AVL9: variants seen among roughly 807,000 people sequenced by gnomAD.
AVL9 encodes AVL9 cell migration associated.
A neutral mutation model predicts 79.2 loss-of-function variants in AVL9; 49 were observed. The observed-to-expected ratio is 0.62, with a 90% confidence interval of 0.49 to 0.79. AVL9 has a LOEUF of 0.79. Among genes scored for constraint, AVL9 ranks in the 30% least tolerant of loss-of-function variants. AVL9 has a pLI of 0.00. For missense variants in AVL9, 682 were observed against 776.8 expected (o/e 0.88, Z 1.45); for synonymous variants, 299 against 280.6 (o/e 1.07, Z -0.65).
At position 32,523,827 on chromosome 7, in the gene AVL9, G is replaced by A. The variant is rs529399148; in HGVS notation, c.94-19314G>A. On this transcript the variant is annotated intron_variant, in intron 1 of 15. Transcript: ENST00000318709. ...CGGCTCACTGCAAGCTCCGCCTCCT[G>A]GGTTCACACCATTCTCCTGCCTCAG... is the stretch of plus-strand genomic sequence containing the variant. Among the ~76,000 whole-genome samples, 4 of 149,112 alleles carry A rather than the reference G, an allele frequency of 2.7e-5. No homozygotes were observed. In the East Asian group the frequency reaches 8.0e-4, roughly 30 times the overall value.
At chr7:32,500,144 G>A (rs576222604) in intron 1 of AVL9, among the ~76,000 whole-genome samples, 43 of 152,064 alleles carry the variant, frequency 2.8e-4, no homozygotes, top group Non-Finnish European at 4.7e-4. Flanking sequence ...GGTATTTCTG[G>A]TTCTAGATCC....
intron 1 of AVL9, among the ~76,000 whole-genome samples, chr7:32,499,165 C>G (rs115551717): frequency 2.3e-4 from 35 of 151,798 alleles, no homozygotes; most frequent in African/African-American, 6.5e-4. Flanking sequence ...TGTCTCAAAA[C>G]GAAACAAAAC....
chr7:32,575,506 A>G (rs1469329944), intron 12 of AVL9, among the ~76,000 whole-genome samples: 1 of 137,596 alleles, frequency 7.3e-6, no homozygotes, highest in Non-Finnish European at 1.6e-5. Context: ...TTGTGTATTC[A>G]TTCTTAATCT....
intron 1 of AVL9, among the ~76,000 whole-genome samples, chr7:32,519,106 A>G (rs982251883): frequency 6.6e-6 from 1 of 152,170 alleles, no homozygotes; most frequent in Non-Finnish European, 1.5e-5. Flanking sequence ...GTTAAACTCT[A>G]TGAAAGAGTT....
At chr7:32,579,492 TAC>T (rs34776901) in intron 13 of AVL9, among the ~76,000 whole-genome samples, 168 of 3,508 alleles carry the variant, frequency 0.048, 45 homozygotes, top group Admixed American at 0.15. Context: ...TATAATATAT[TAC>T]ATATTATATA....
intron 1 of AVL9, chr7:32,533,418 ATGT>A (rs1788757148): frequency 6.6e-6 from 1 of 152,222 alleles, no homozygotes; most frequent in Non-Finnish European, 1.5e-5. Context: ...AGTCATGAAA[ATGT>A]TGTCATATTG....
intron 1 of AVL9, among the ~76,000 whole-genome samples, chr7:32,529,500 T>G (rs191471905): frequency 2.0e-5 from 3 of 152,368 alleles, no homozygotes. Flanking sequence ...CCAAAACAGT[T>G]ATTTCCCTTA....
chr7:32,551,582 C>T (rs1789820682), intron 5 of AVL9, among the ~76,000 whole-genome samples, 159 bp downstream of exon 5: 1 of 134,756 alleles, frequency 7.4e-6, no homozygotes, highest in Admixed American at 7.8e-5. Context: ...TAGGAATCTG[C>T]CCAAATACTA....
At chr7:32,506,230 C>T (rs1260900357) in intron 1 of AVL9, among the ~76,000 whole-genome samples, 2 of 151,848 alleles carry the variant, frequency 1.3e-5, no homozygotes, top group South Asian at 4.2e-4. Flanking sequence ...TTTTTTTAAA[C>T]ATTTAGAAAT....
chr7:32,568,330 AG>A (rs1562794382), intron 10 of AVL9, among the ~76,000 whole-genome samples: 1 of 151,522 alleles, frequency 6.6e-6, no homozygotes, highest in Admixed American at 6.6e-5. Context: ...CCTCCCAAGT[AG>A]CTGGGATTAC....
rs1330858272 is a variant in AVL9 at position 32,558,995 on chromosome 7, G to A, written c.746G>A (p.Gly249Asp). The change falls in exon 10 of 16, where the codon GGT becomes GAT. Residue 249 changes from glycine (G) to aspartate (D), a missense_variant. By Grantham distance (94) the Gly-to-Asp change is moderately conservative (BLOSUM62 -1). Coordinates refer to ENST00000318709, the MANE Select transcript of AVL9 (RefSeq NM_015060.3). ...YRPRKSMSEDGGLQESNPCAD... is the reference protein window; with the variant it reads ...YRPRKSMSEDDGLQESNPCAD... ...CCCCGGAAAAGTATGTCTGAAGATGGTGGGCTTCAGGAAAGTAACCCATGT... is the reference window on the plus strand; with the variant it reads ...CCCCGGAAAAGTATGTCTGAAGATGATGGGCTTCAGGAAAGTAACCCATGT... 1 of 1,613,598 alleles carries A rather than the reference G, an allele frequency of 6.2e-7. No homozygotes were observed. The highest frequency in any genetic ancestry group is 1.7e-5 in the Admixed American group (1 of 59,978).
rs778230001 is a variant in AVL9 at position 32,575,997 on chromosome 7, C to T, written c.1613C>T (p.Thr538Ile). The T allele has an allele frequency of 1.1e-5, 17 of 1,613,954 alleles. No individual in the cohort carries two copies. The highest frequency in any genetic ancestry group is 1.3e-5 in the Non-Finnish European group (15 of 1,179,888). The change falls in exon 13 of 16, where the codon ACA (threonine) becomes ATA (isoleucine). Residue 538 changes from threonine to isoleucine, a missense_variant. Transcript: ENST00000318709. ...ILSDYGTTFV[T>I]AWKNTHNYRV... The stretch of plus-strand genomic sequence containing the variant: ...TCGGACTATGGGACAACTTTTGTTA[C>T]AGCATGGAAGAATACTCACAACTAC...
chr7:32,531,762 G>C (rs1441037109), intron 1 of AVL9: 1 of 152,172 alleles, frequency 6.6e-6, no homozygotes, highest in Non-Finnish European at 1.5e-5. Context: ...GTGGGTACAG[G>C]AGCCAAAGCG....
chr7:32,546,116 C>T (rs1472384446), intron 3 of AVL9, among the ~76,000 whole-genome samples: 7 of 144,480 alleles, frequency 4.8e-5, no homozygotes, highest in African/African-American at 1.8e-4. Context: ...CTCCTAGTGA[C>T]TGAATTAGAA....
chr7:32,566,885 A>AAAAT (rs1280481411), intron 10 of AVL9, among the ~76,000 whole-genome samples: 2 of 152,232 alleles, frequency 1.3e-5, no homozygotes, highest in Non-Finnish European at 2.9e-5. Flanking sequence ...TCCGTCTCAA[A>AAAAT]AAATAAATAA....
In AVL9 at chr7:32,576,081, G is replaced by A. The variant is rs774783989; in HGVS notation, c.1688+9G>A. 1.0e-5 allele frequency: 16 copies of A among 1,573,406 alleles called. No individual in the cohort carries two copies. The highest frequency in any genetic ancestry group is 4.1e-5 in the African/African-American group (3 of 74,070). ...GCAGAAATAAATCCAAAGTAAGCGC[G>A]TCCTCTGAAGATTGATAGTACATAA... is the stretch of plus-strand genomic sequence containing the variant. On this transcript the variant is annotated intron_variant, in intron 13 of 15. Coordinates refer to ENST00000318709, the MANE Select transcript of AVL9 (RefSeq NM_015060.3).
intron 1 of AVL9, among the ~76,000 whole-genome samples, chr7:32,527,830 C>CACCT (rs1406946388): frequency 6.6e-6 from 1 of 152,162 alleles, no homozygotes; most frequent in Non-Finnish European, 1.5e-5. Flanking sequence ...CCCACCCACC[C>CACCT]ACCTACCTCC....
chr7:32,507,628 C>T (rs1787465590), intron 1 of AVL9, among the ~76,000 whole-genome samples: 1 of 152,264 alleles, frequency 6.6e-6, no homozygotes, highest in Admixed American at 6.5e-5. Context: ...TGGTGATAAA[C>T]CACAATTTAT....
At chr7:32,543,666 G>T in intron 2 of AVL9, among the ~76,000 whole-genome samples, 1 of 152,208 alleles carries the variant, frequency 6.6e-6, no homozygotes, top group East Asian at 1.9e-4. Context: ...AGCTGAGATT[G>T]TTTTTGTGCC....
Sources: gnomAD v4.1 joint callset for allele counts (sites outside exome capture counted in the v4.1 genomes callset) on GRCh38, gnomAD v4.1.1 for gene constraint, MANE v1.5 for transcripts, NCBI Gene and HGNC (gene_info 2026-07-23, HGNC 2026-07-21) for gene names.